Variants in FLNB observed in about 807,000 individuals in gnomAD.
The protein encoded by FLNB is filamin-B.
FLNB carries 111 observed loss-of-function variants against 250.6 expected under a neutral mutation model. The observed-to-expected ratio is 0.44, with a 90% CI of 0.38 to 0.52. FLNB has a LOEUF of 0.52. Among genes scored for constraint, FLNB ranks in the 20% least tolerant of loss-of-function variants. The probability of loss-of-function intolerance (pLI) is 0.00; values close to 1 mark genes in which losing one functional copy is unlikely to be tolerated. For missense variants in FLNB, 2,869 were observed against 3,447.8 expected, an observed-to-expected ratio of 0.83 and a Z score of 4.20; for synonymous variants, 1,302 against 1,372.1, an observed-to-expected ratio of 0.95 and a Z score of 1.13.
intron 1 of FLNB, among the ~76,000 whole-genome samples, chr3:58,069,232 C>CTTTTTTTTTTT (rs59689498): frequency 1.2e-5 from 1 of 86,384 alleles, no homozygotes; most frequent in Non-Finnish European, 2.2e-5. Context: ...TAGTTCAATT[C>CTTTTTTTTTTT]TTTTTTTTTT....
Position 58,008,556 on chromosome 3 carries a change from G to T in FLNB, c.-9G>T. 1 of 1,580,550 alleles carries T rather than the reference G, an allele frequency of 6.3e-7. No individual in the cohort carries two copies. The highest frequency in any genetic ancestry group is 1.1e-5 in the South Asian group (1 of 87,602). On this transcript the variant is annotated 5_prime_UTR_variant, in exon 1 of 46. Transcript: ENST00000295956. ...GCTCGTTGCGCATTGCGCTCTCCCC[G>T]CCACCAGGATGCCGGTAACCGAGAA... is the stretch of plus-strand genomic sequence containing the variant.
chr3:58,142,315 A>G lies in FLNB; in HGVS notation c.5182-335A>G, dbSNP rs1188205852. On this transcript the variant is annotated intron_variant, in intron 30 of 45. Coordinates refer to ENST00000295956, the MANE Select transcript of FLNB (RefSeq NM_001457.4). The surrounding 1 kb of genome is among the most constrained non-coding windows in gnomAD (Gnocchi z 4.3). Reference sequence around the variant, plus strand: ...CCACTTAAAATGCACCTTCTTTTCCAGGCCACAAGCAACTAAACCTTTCCA... The same window carrying G: ...CCACTTAAAATGCACCTTCTTTTCCGGGCCACAAGCAACTAAACCTTTCCA... Among the ~76,000 whole-genome samples, 1 of 152,196 alleles carries G rather than the reference A, an allele frequency of 6.6e-6. No homozygotes were observed. Among genetic ancestry groups the G allele is most frequent in the Non-Finnish European group, 1.5e-5 (1 of 68,036 alleles).
Position 58,132,982 on chromosome 3 carries a change from CCCAT to C in FLNB, c.4514+56_4514+59del, listed in dbSNP as rs1436739195. The C allele has an allele frequency of 1.9e-6, 3 of 1,566,644 alleles. No homozygotes were observed. The East Asian group carries it at 7.0e-5, about 36-fold the overall frequency. ...ATTCCTCCATCAGTCTATCTGTCCA[CCCAT>C]CCATTCCTCCATCAGTCCATCCACC... is the stretch of plus-strand genomic sequence containing the variant. On this transcript the variant is annotated intron_variant, in intron 26 of 45. Transcript: ENST00000295956.
chr3:58,094,717 C>A, intron 4 of FLNB, 119 bp from the exon 5 acceptor site: 1 of 861,956 alleles, frequency 1.2e-6, no homozygotes, highest in Non-Finnish European at 2.0e-6. Flanking sequence ...TCCCCATTTC[C>A]CACATGGGAT....
At chr3:58,111,015 T>C (rs2097267746) in intron 16 of FLNB, among the ~76,000 whole-genome samples, 1 of 152,206 alleles carries the variant, frequency 6.6e-6, no homozygotes, top group Admixed American at 6.5e-5. Flanking sequence ...AGGCAGTGTG[T>C]TCAGTGGTTA....
chr3:58,099,559 G>T (rs1202635974), intron 8 of FLNB, among the ~76,000 whole-genome samples: 2 of 151,878 alleles, frequency 1.3e-5, no homozygotes, highest in Non-Finnish European at 1.5e-5. Flanking sequence ...GTTTTGTTTT[G>T]TTTTGTTTTC....
intron 4 of FLNB, among the ~76,000 whole-genome samples, chr3:58,091,727 G>A (rs2097227867): frequency 6.6e-6 from 1 of 152,090 alleles, no homozygotes; most frequent in African/African-American, 2.4e-5. Flanking sequence ...ATGGTGGTTG[G>A]CCTTTATGTG....
intron 41 of FLNB, among the ~76,000 whole-genome samples, chr3:58,157,971 G>A (rs898585647): frequency 1.1e-4 from 17 of 152,216 alleles, no homozygotes; most frequent in African/African-American, 3.9e-4. Flanking sequence ...TTGATGCCGA[G>A]TGATATGTAA....
intron 41 of FLNB, among the ~76,000 whole-genome samples, chr3:58,157,969 G>A (rs963556664): frequency 2.0e-5 from 3 of 152,204 alleles, no homozygotes; most frequent in Non-Finnish European, 2.9e-5. Flanking sequence ...ATTTGATGCC[G>A]AGTGATATGT....
At position 58,123,591 on chromosome 3, in the gene FLNB, G is replaced by A. The variant is rs376375179; in HGVS notation, c.3625G>A (p.Gly1209Ser). 3 of 1,612,584 alleles carry A rather than the reference G, an allele frequency of 1.9e-6. No homozygotes were observed. Among genetic ancestry groups the A allele is most frequent in the African/African-American group, 2.7e-5 (2 of 74,776 alleles). The change falls in exon 21 of 46, where the codon GGT (glycine) becomes AGT (serine). Residue 1209 changes from glycine to serine, a missense_variant. Physicochemically the swap from Gly to Ser is moderately conservative, Grantham distance 56 (BLOSUM62 0). Coordinates refer to ENST00000295956, the MANE Select transcript of FLNB (RefSeq NM_001457.4). ...AGMYTLTMKY[G>S]GELVPHFPAR... ...CATGTACACGTTGACCATGAAGTAT[G>A]GTGGCGAACTCGTGCCACACTTCCC...
At chr3:58,141,715 C>A in intron 29 of FLNB, 143 bp from the exon 30 acceptor site, 1 of 790,560 alleles carries the variant, frequency 1.3e-6, no homozygotes. Flanking sequence ...TCCAAAAGGG[C>A]AGTAAGAAAG....
At chr3:58,069,030 C>T (rs908193714) in intron 1 of FLNB, among the ~76,000 whole-genome samples, 1 of 151,692 alleles carries the variant, frequency 6.6e-6, no homozygotes, top group Non-Finnish European at 1.5e-5. Flanking sequence ...GTAGTCCTAG[C>T]TACCCAGGAG....
At chr3:58,155,886 A>T in intron 40 of FLNB, 74 bp from the exon 41 acceptor site, 1 of 1,031,118 alleles carries the variant, frequency 9.7e-7, no homozygotes, top group Non-Finnish European at 1.5e-6. Context: ...AAGGCATTTT[A>T]GCCCTTGGTG....
intron 42 of FLNB, chr3:58,162,916 T>C (rs186497769): frequency 1.7e-4 from 92 of 536,898 alleles, no homozygotes; most frequent in Non-Finnish European, 9.1e-5. Flanking sequence ...GAGGCAGGGG[T>C]CAGAGTCTTG....
chr3:58,123,586 A>G lies in FLNB; in HGVS notation c.3620A>G (p.Lys1207Arg), dbSNP rs780119259. 10 of 1,612,636 alleles carry G rather than the reference A, an allele frequency of 6.2e-6. No individual in the cohort carries two copies. Among genetic ancestry groups the G allele is most frequent in the Non-Finnish European group, 8.5e-6 (10 of 1,179,892 alleles). The change falls in exon 21 of 46, where the codon AAG (lysine) becomes AGG (arginine). Residue 1207 changes from lysine to arginine, a missense_variant. Transcript: ENST00000295956. ...LTAGMYTLTM[K>R]YGGELVPHFP... is the part of the protein sequence containing the mutation. Reference sequence around the variant, plus strand: ...GCCGGCATGTACACGTTGACCATGAAGTATGGTGGCGAACTCGTGCCACAC... The same window carrying G: ...GCCGGCATGTACACGTTGACCATGAGGTATGGTGGCGAACTCGTGCCACAC...
chr3:58,133,505 A>G (rs912940967), intron 26 of FLNB, among the ~76,000 whole-genome samples: 1 of 145,172 alleles, frequency 6.9e-6, no homozygotes, highest in Non-Finnish European at 1.5e-5. Flanking sequence ...TAAATAATTT[A>G]TTAGTTTATT....
At chr3:58,035,964 C>T (rs754960193) in intron 1 of FLNB, among the ~76,000 whole-genome samples, 31 of 152,148 alleles carry the variant, frequency 2.0e-4, no homozygotes, top group African/African-American at 6.8e-4. Flanking sequence ...TGAGCTCACC[C>T]GGGCTCTTAT....
At chr3:58,040,192 G>A (rs952077817) in intron 1 of FLNB, among the ~76,000 whole-genome samples, 1 of 152,130 alleles carries the variant, frequency 6.6e-6, no homozygotes, top group Admixed American at 6.6e-5. Flanking sequence ...ATCCCCCAGC[G>A]CTGGCCTCTC....
At chr3:58,127,002 T>C (rs2097299106) in intron 24 of FLNB, among the ~76,000 whole-genome samples, 8 of 152,180 alleles carry the variant, frequency 5.3e-5, no homozygotes, top group Admixed American at 5.2e-4. Context: ...TTGGAGGACC[T>C]AGTTCTTGAT....
Sources: gnomAD v4.1 joint callset for allele counts (sites outside exome capture counted in the v4.1 genomes callset) on GRCh38, gnomAD v4.1.1 for gene constraint, Gnocchi (gnomAD v3.1) non-coding constraint, MANE v1.5 for transcripts, NCBI Gene and HGNC (gene_info 2026-07-23, HGNC 2026-07-21) for gene names.